The following NRG3 variants were observed in gnomAD, a reference collection of about 807,000 sequenced individuals.
NRG3 encodes the protein pro-neuregulin-3, membrane-bound isoform.
NRG3 carries 31 observed loss-of-function variants against 66.9 expected under a neutral mutation model. That is an observed-to-expected ratio of 0.46 (90% CI 0.35 to 0.63). The LOEUF (loss-of-function observed/expected upper bound fraction) is 0.63. NRG3 is among the 20% of genes least tolerant of loss of function. The pLI is 0.00. For missense variants in NRG3, 910 were observed against 878.9 expected (o/e 1.04, Z -0.45); for synonymous variants, 393 against 359.4 (o/e 1.09, Z -1.06).
chr10:82,195,083 T>A (rs2074374895), intron 1 of NRG3, among the ~76,000 whole-genome samples: 1 of 149,756 alleles, frequency 6.7e-6, no homozygotes, highest in Non-Finnish European at 1.5e-5. Flanking sequence ...AGCAAAAAGA[T>A]AGTGGCCTCT....
intron 1 of NRG3, among the ~76,000 whole-genome samples, chr10:82,070,818 TTA>T (rs1383210964): frequency 1.3e-5 from 2 of 152,214 alleles, no homozygotes; most frequent in Non-Finnish European, 2.9e-5. Flanking sequence ...TAATATATTT[TTA>T]CAATGTAACC....
At chr10:82,590,197 C>G (rs2046900568) in intron 2 of NRG3, among the ~76,000 whole-genome samples, 1 of 152,094 alleles carries the variant, frequency 6.6e-6, no homozygotes, top group Non-Finnish European at 1.5e-5. Context: ...CTAGGTTAGG[C>G]AGATATTTTA....
chr10:82,915,990 C>G (rs560858085), intron 4 of NRG3, among the ~76,000 whole-genome samples: 81 of 152,124 alleles, frequency 5.3e-4, no homozygotes, highest in African/African-American at 1.8e-3. Flanking sequence ...TGCTAGATCT[C>G]AGTAGCCTTT....
intron 1 of NRG3, among the ~76,000 whole-genome samples, chr10:82,328,998 A>G (rs747465639): frequency 2.0e-5 from 3 of 152,160 alleles, no homozygotes; most frequent in East Asian, 1.9e-4. Flanking sequence ...CCAACTATAT[A>G]TTTCAGCCAT....
intron 8 of NRG3, among the ~76,000 whole-genome samples, chr10:82,982,754 CT>C (rs1289593770): frequency 1.3e-5 from 2 of 152,196 alleles, no homozygotes; most frequent in Non-Finnish European, 2.9e-5. Context: ...AATTTTGGAA[CT>C]TGAAATCATG....
At chr10:81,883,931 A>G (rs1366995245) in intron 1 of NRG3, among the ~76,000 whole-genome samples, 1 of 152,206 alleles carries the variant, frequency 6.6e-6, no homozygotes, top group Non-Finnish European at 1.5e-5. Flanking sequence ...GACAGCTGCC[A>G]TATGTGGAGG....
chr10:81,984,663 C>T (rs1341843437), intron 1 of NRG3, among the ~76,000 whole-genome samples: 3 of 152,206 alleles, frequency 2.0e-5, no homozygotes, highest in Non-Finnish European at 4.4e-5. Context: ...ACTCTTTCCA[C>T]AGACATAAAT....
At chr10:82,450,249 A>G (rs2090957255) in intron 2 of NRG3, among the ~76,000 whole-genome samples, 1 of 152,136 alleles carries the variant, frequency 6.6e-6, no homozygotes, top group Non-Finnish European at 1.5e-5. Context: ...ATGCTGCTTT[A>G]TATCTTCCAG....
chr10:82,659,727 GTTCAGAGGT>G (rs1201237078), intron 2 of NRG3, among the ~76,000 whole-genome samples: 30 of 152,214 alleles, frequency 2.0e-4, no homozygotes, highest in African/African-American at 7.2e-4. Flanking sequence ...GTTTTAATAG[GTTCAGAGGT>G]AAGTTTGCCA....
chr10:82,354,723 G>T (rs567607257), intron 1 of NRG3, among the ~76,000 whole-genome samples: 1 of 152,078 alleles, frequency 6.6e-6, no homozygotes, highest in South Asian at 2.1e-4. Flanking sequence ...TTCCTATTCC[G>T]TGCCTCTGTG....
intron 2 of NRG3, among the ~76,000 whole-genome samples, chr10:82,457,766 T>C (rs950809078): frequency 6.6e-6 from 1 of 152,290 alleles, no homozygotes; most frequent in African/African-American, 2.4e-5. Context: ...GGGACCTGAA[T>C]GTCAGTGAAG....
intron 1 of NRG3, among the ~76,000 whole-genome samples, chr10:81,983,083 G>A (rs1352092881): frequency 6.6e-6 from 1 of 152,126 alleles, no homozygotes; most frequent in Admixed American, 6.5e-5. Context: ...GATGCTGATG[G>A]GTTTCGGCTC....
At chr10:82,064,604 C>T (rs989418636) in intron 1 of NRG3, among the ~76,000 whole-genome samples, 15 of 152,092 alleles carry the variant, frequency 9.9e-5, no homozygotes, top group Non-Finnish European at 1.9e-4. Context: ...TATAGACGGA[C>T]GATCAAGGAG....
chr10:82,127,111 G>A (rs2068496359), intron 1 of NRG3, among the ~76,000 whole-genome samples: 1 of 152,070 alleles, frequency 6.6e-6, no homozygotes, highest in Non-Finnish European at 1.5e-5. Flanking sequence ...GAGATCCATG[G>A]GCCATGCGGC....
intron 1 of NRG3, among the ~76,000 whole-genome samples, chr10:82,209,024 T>A (rs554262443): frequency 2.0e-5 from 3 of 152,174 alleles, no homozygotes; most frequent in African/African-American, 7.2e-5. Context: ...AAAAAAAGAA[T>A]GGGTGGAAAG....
intron 4 of NRG3, among the ~76,000 whole-genome samples, chr10:82,906,281 G>A (rs1231739813): frequency 1.3e-5 from 2 of 152,072 alleles, no homozygotes; most frequent in Admixed American, 6.6e-5. Flanking sequence ...AGAAGACATG[G>A]GGTTTGAGGC....
chr10:82,902,381 T>C (rs1027085755), intron 4 of NRG3, among the ~76,000 whole-genome samples: 3 of 152,056 alleles, frequency 2.0e-5, no homozygotes, highest in Non-Finnish European at 2.9e-5. Context: ...CAGCATTTCT[T>C]TTTTTTTGAA....
chr10:81,908,231 A>G lies in NRG3; in HGVS notation c.823+32068A>G, dbSNP rs532480571. On this transcript the variant is annotated intron_variant, in intron 1 of 8. Transcript: ENST00000372141. The stretch of plus-strand genomic sequence containing the variant: ...ACATTTTCAATTATGATTAGAAAAC[A>G]TCTTTCTTAAATGTCATCATTTGAT... 7.2e-5 allele frequency among the ~76,000 whole-genome samples: 11 copies of G among 152,270 alleles called. No individual in the cohort carries two copies. In the East Asian group the frequency reaches 2.1e-3, roughly 29 times the overall value.
At chr10:82,911,660 T>C (rs1845333759) in intron 4 of NRG3, among the ~76,000 whole-genome samples, 1 of 151,762 alleles carries the variant, frequency 6.6e-6, no homozygotes, top group Non-Finnish European at 1.5e-5. Context: ...TTTTAGAGGT[T>C]TAACAATTCT....
Sources: allele counts gnomAD v4.1 joint callset (sites outside exome capture counted in the v4.1 genomes callset), GRCh38; gene constraint gnomAD v4.1.1; transcripts MANE v1.5; gene names NCBI Gene and HGNC (gene_info 2026-07-23, HGNC 2026-07-21).